Variants in NCOA2 observed in about 807,000 individuals in gnomAD.
NCOA2 encodes the protein class E basic helix-loop-helix protein 75.
A neutral mutation model predicts 145.1 loss-of-function variants in NCOA2; 21 were observed. The observed-to-expected ratio is 0.14, with a 90% CI of 0.10 to 0.21. The LOEUF (loss-of-function observed/expected upper bound fraction) is 0.21, where lower values mean the gene tolerates loss of function less well. NCOA2 is among the 10% of genes least tolerant of loss of function. The pLI, the probability that NCOA2 is intolerant of heterozygous loss-of-function variation, is 1.00. For synonymous variants in NCOA2, 619 were observed against 637.5 expected (o/e 0.97, Z 0.44); for missense variants, 1,472 against 1,837.6 (o/e 0.80, Z 3.64).
chr8:70,208,839 C>A (rs1818733082), intron 4 of NCOA2, among the ~76,000 whole-genome samples: 1 of 152,218 alleles, frequency 6.6e-6, no homozygotes, highest in Admixed American at 6.5e-5. Context: ...TGGACCCAGT[C>A]ACCCAAGAGC....
chr8:70,361,262 T>A (rs1305536290), intron 1 of NCOA2, among the ~76,000 whole-genome samples: 3 of 152,086 alleles, frequency 2.0e-5, no homozygotes, highest in Admixed American at 2.0e-4. Context: ...ATGCCTGTAA[T>A]CCCAGCACTT....
chr8:70,206,844 G>A (rs1356083247), intron 4 of NCOA2, among the ~76,000 whole-genome samples: 1 of 152,104 alleles, frequency 6.6e-6, no homozygotes, highest in South Asian at 2.1e-4. Flanking sequence ...CTCTCCTCAC[G>A]CCCAGCCCCG....
chr8:70,188,470 G>A (rs563457230), intron 4 of NCOA2, among the ~76,000 whole-genome samples: 10 of 152,298 alleles, frequency 6.6e-5, no homozygotes, highest in African/African-American at 2.4e-4. Context: ...GCTTCACAGG[G>A]ATGTTATGAG....
At chr8:70,257,370 T>G (rs1314185779) in intron 2 of NCOA2, among the ~76,000 whole-genome samples, 1 of 152,238 alleles carries the variant, frequency 6.6e-6, no homozygotes, top group Non-Finnish European at 1.5e-5. Context: ...CCTTCCTAAA[T>G]GTAGGGCACT....
chr8:70,359,982 C>T (rs1434104605), intron 1 of NCOA2, among the ~76,000 whole-genome samples: 3 of 152,102 alleles, frequency 2.0e-5, no homozygotes, highest in Non-Finnish European at 4.4e-5. Flanking sequence ...TTCCTAGGCT[C>T]TAAGTTTTGC....
chr8:70,323,093 AAAC>A (rs1806223265), intron 1 of NCOA2, among the ~76,000 whole-genome samples: 1 of 152,334 alleles, frequency 6.6e-6, no homozygotes, highest in Non-Finnish European at 1.5e-5. Flanking sequence ...ACGAATACGT[AAAC>A]TACTCTGGCT....
the NCOA2 span, among the ~76,000 whole-genome samples, chr8:70,441,770 G>T: frequency 7.3e-6 from 1 of 136,404 alleles, no homozygotes; most frequent in African/African-American, 2.8e-5. Context: ...GAGAGAGAAA[G>T]AAAAGAAAGA....
intron 4 of NCOA2, among the ~76,000 whole-genome samples, chr8:70,183,835 G>C (rs1385624474): frequency 6.6e-6 from 1 of 152,096 alleles, no homozygotes; most frequent in Non-Finnish European, 1.5e-5. Context: ...CTGGCTCCTT[G>C]GCTGTAAGAA....
chr8:70,174,329 A>C (rs1314204816), intron 5 of NCOA2, among the ~76,000 whole-genome samples: 2 of 152,218 alleles, frequency 1.3e-5, no homozygotes, highest in Non-Finnish European at 2.9e-5. Flanking sequence ...GCTAGTTTCA[A>C]ATAGCATAAA....
At chr8:70,330,356 G>A (rs536211010) in intron 1 of NCOA2, among the ~76,000 whole-genome samples, 1 of 151,898 alleles carries the variant, frequency 6.6e-6, no homozygotes, top group African/African-American at 2.4e-5. Context: ...GATCCCTTGA[G>A]GCCAGGAATT....
rs540835925 is a variant in NCOA2 at position 70,351,383 on chromosome 8, A to G, written c.-77+52317T>C. On this transcript the variant is annotated intron_variant, in intron 1 of 22. Transcript: ENST00000452400. ...CTGATTGTACTTGTTTGCTAATTAA[A>G]CCCAGGATATTCTATTCTTTAAAGT... Among the ~76,000 whole-genome samples the G allele has an allele frequency of 2.0e-5, 3 of 152,242 alleles. No individual in the cohort carries two copies. In the East Asian group the frequency reaches 5.8e-4, roughly 29 times the overall value.
chr8:70,241,697 T>C (rs2134460624), intron 2 of NCOA2, among the ~76,000 whole-genome samples: 1 of 152,294 alleles, frequency 6.6e-6, no homozygotes, highest in Non-Finnish European at 1.5e-5. Flanking sequence ...GCTGAAATCC[T>C]GCACCACTGA....
intron 2 of NCOA2, among the ~76,000 whole-genome samples, chr8:70,285,670 C>T (rs1400506234): frequency 1.3e-5 from 2 of 152,210 alleles, no homozygotes; most frequent in Non-Finnish European, 2.9e-5. Context: ...TCTCTTACTA[C>T]ACCGTAAGAT....
At chr8:70,362,422 A>G (rs753009561) in intron 1 of NCOA2, among the ~76,000 whole-genome samples, 1 of 152,228 alleles carries the variant, frequency 6.6e-6, no homozygotes, top group Non-Finnish European at 1.5e-5. Flanking sequence ...ATATCTGATA[A>G]AAGACTTCTG....
At chr8:70,307,855 T>C (rs997720037) in intron 1 of NCOA2, among the ~76,000 whole-genome samples, 1 of 152,256 alleles carries the variant, frequency 6.6e-6, no homozygotes, top group Admixed American at 6.5e-5. Context: ...GTTTTGTTTA[T>C]ATTTAGTTAG....
At chr8:70,333,533 G>A (rs1189764020) in intron 1 of NCOA2, among the ~76,000 whole-genome samples, 1 of 152,100 alleles carries the variant, frequency 6.6e-6, no homozygotes, top group Non-Finnish European at 1.5e-5. Context: ...CACTCTGTTG[G>A]GCGACATGAA....
chr8:70,231,130 C>T (rs1024940831), intron 2 of NCOA2, among the ~76,000 whole-genome samples: 5 of 152,156 alleles, frequency 3.3e-5, no homozygotes, highest in Non-Finnish European at 5.9e-5. Context: ...TATTTATGTA[C>T]TGTCAAACTG....
intron 2 of NCOA2, among the ~76,000 whole-genome samples, chr8:70,232,906 CAT>C (rs757282101): frequency 2.0e-5 from 3 of 149,488 alleles, no homozygotes; most frequent in East Asian, 2.0e-4. Flanking sequence ...CGTAGATATA[CAT>C]ATATATATAT....
chr8:70,240,842 ATTCGCCAG>A (rs1485935867), intron 2 of NCOA2, among the ~76,000 whole-genome samples: 2 of 152,168 alleles, frequency 1.3e-5, no homozygotes, highest in African/African-American at 4.8e-5. Context: ...ATGCCTCAGA[ATTCGCCAG>A]TTCAATGTTT....
Sources: gnomAD v4.1 joint callset for allele counts (sites outside exome capture counted in the v4.1 genomes callset) on GRCh38, gnomAD v4.1.1 for gene constraint, MANE v1.5 for transcripts, NCBI Gene and HGNC (gene_info 2026-07-23, HGNC 2026-07-21) for gene names.